Variants in PTK2 observed in about 807,000 individuals in gnomAD.
PTK2 encodes protein tyrosine kinase 2.
Under a neutral mutation model 150.1 loss-of-function variants are expected in PTK2, and 45 were observed. The observed-to-expected ratio is 0.30, with a 90% CI of 0.24 to 0.38. The LOEUF (loss-of-function observed/expected upper bound fraction) is 0.38, where lower values mean the gene tolerates loss of function less well. PTK2 is among the 10% of genes least tolerant of loss of function. PTK2 has a pLI of 1.00. For missense variants in PTK2, 919 were observed against 1,307.3 expected, an observed-to-expected ratio of 0.70 and a Z score of 4.58; for synonymous variants, 432 against 449.2, an observed-to-expected ratio of 0.96 and a Z score of 0.48.
chr8:140,699,332 G>A (rs1444245884), intron 26 of PTK2, among the ~76,000 whole-genome samples: 5 of 152,126 alleles, frequency 3.3e-5, no homozygotes. Context: ...TGGGTTCAAG[G>A]AGAGTGGGGA....
At chr8:140,975,000 T>G (rs1335677347) in intron 1 of PTK2, among the ~76,000 whole-genome samples, 1 of 152,230 alleles carries the variant, frequency 6.6e-6, no homozygotes, top group African/African-American at 2.4e-5. Context: ...CGCCTGTAGA[T>G]GAACTCAGAA....
intron 1 of PTK2, among the ~76,000 whole-genome samples, chr8:140,983,291 G>A (rs1328097304): frequency 6.7e-6 from 1 of 148,664 alleles, no homozygotes; most frequent in African/African-American, 2.5e-5. Context: ...GAAGGCTGAG[G>A]CAGGAGAATT....
At chr8:140,675,339 G>C (rs2100013018) in intron 28 of PTK2, 121 bp downstream of exon 31, 3 of 1,035,946 alleles carry the variant, frequency 2.9e-6, no homozygotes, top group African/African-American at 3.1e-5. Flanking sequence ...CGTACTTGCT[G>C]TGGTCTGTAG....
chr8:140,896,613 A>AT (rs1568389978), intron 2 of PTK2, among the ~76,000 whole-genome samples: 1 of 152,224 alleles, frequency 6.6e-6, no homozygotes, highest in East Asian at 1.9e-4. Flanking sequence ...ATAGGATGAG[A>AT]TTTCATATAT....
chr8:140,858,059 T>C (rs1363895782), intron 5 of PTK2, among the ~76,000 whole-genome samples: 2 of 152,122 alleles, frequency 1.3e-5, no homozygotes, highest in African/African-American at 4.8e-5. Context: ...TAGCAAATAA[T>C]AAGGGCCATA....
At chr8:140,909,954 C>T (rs1467148365) in intron 2 of PTK2, among the ~76,000 whole-genome samples, 1 of 152,050 alleles carries the variant, frequency 6.6e-6, no homozygotes, top group Non-Finnish European at 1.5e-5. Context: ...CCAAATTAGA[C>T]ACAAATCTTC....
In PTK2 at chr8:140,807,907, A is replaced by T. The variant is rs375936055; in HGVS notation, c.868-4257T>A. 3.9e-5 allele frequency among the ~76,000 whole-genome samples: 6 copies of T among 152,298 alleles called. No individual in the cohort carries two copies. The East Asian group carries it at 7.7e-4, about 20-fold the overall frequency. On this transcript the variant is annotated intron_variant, in intron 10 of 31. Transcript: ENST00000522684. ...GGACTCAGAATTACCCAGTGGGCTT[A>T]TCTACAGGAGGATCACTGTCATCAT...
Position 140,693,564 on chromosome 8 carries a change from TAAAAAAAAAAAAAAAAAAAAA to T in PTK2, c.2500-6891_2500-6871del, listed in dbSNP as rs377205785. Among the ~76,000 whole-genome samples the T allele has an allele frequency of 3.7e-4, 27 of 72,458 alleles. No homozygotes were observed. In the South Asian group the frequency reaches 6.3e-3, roughly 17 times the overall value. The allele number at this position is 72,458 out of a possible 152,430, so 47.5% of individuals were successfully genotyped here. ...CCACAGAGTGAGACTTTGTCTCAAT[TAAAAAAAAAAAAAAAAAAAAA>T]AAAAAAAAAAAAAAAAAGGAGCACT... On this transcript the variant is annotated intron_variant, in intron 26 of 31. Coordinates refer to ENST00000522684, the Ensembl canonical transcript of PTK2.
chr8:140,875,507 C>A (rs2100144965), intron 4 of PTK2, among the ~76,000 whole-genome samples: 1 of 152,088 alleles, frequency 6.6e-6, no homozygotes, highest in South Asian at 2.1e-4. Context: ...GAGATAAGGA[C>A]TGTGAGGTCA....
intron 5 of PTK2, among the ~76,000 whole-genome samples, chr8:140,858,382 C>T (rs967118530): frequency 3.3e-5 from 5 of 150,680 alleles, no homozygotes; most frequent in African/African-American, 1.2e-4. Flanking sequence ...AACGACATGA[C>T]CCCCTAGAGG....
intron 7 of PTK2, among the ~76,000 whole-genome samples, chr8:140,838,610 T>C (rs186191626): frequency 8.7e-4 from 133 of 152,308 alleles, no homozygotes; most frequent in Non-Finnish European, 1.3e-3. Flanking sequence ...AGTGGGAAGA[T>C]TGCTTGACCA....
chr8:140,976,775 A>C (rs563313767), intron 1 of PTK2, among the ~76,000 whole-genome samples: 3 of 152,232 alleles, frequency 2.0e-5, no homozygotes, highest in Admixed American at 1.3e-4. Flanking sequence ...TCTTTTTTTC[A>C]TAACTAAGGT....
chr8:140,763,598 C>T (rs551013626), intron 15 of PTK2, among the ~76,000 whole-genome samples: 47 of 152,068 alleles, frequency 3.1e-4, no homozygotes, highest in Non-Finnish European at 5.9e-4. Flanking sequence ...CCTGGGGCTT[C>T]AAGATTTTCC....
At chr8:140,672,476 T>C (rs981427563) in intron 29 of PTK2, among the ~76,000 whole-genome samples, 3 of 152,154 alleles carry the variant, frequency 2.0e-5, no homozygotes, top group Non-Finnish European at 2.9e-5. Context: ...ACTGAGGAAG[T>C]TCCTGATTCC....
chr8:140,670,471 A>C (rs1354715254), intron 29 of PTK2, among the ~76,000 whole-genome samples: 6 of 82,428 alleles, frequency 7.3e-5, no homozygotes, highest in Admixed American at 1.3e-4. Context: ...AAAAAAAAAA[A>C]AAAAAAAAAA....
chr8:140,664,196 A>T (rs959497244), intron 31 of PTK2, among the ~76,000 whole-genome samples: 1 of 152,138 alleles, frequency 6.6e-6, no homozygotes, highest in Non-Finnish European at 1.5e-5. Context: ...GTTGGCCAGG[A>T]TGGTCTCGAT....
At chr8:140,818,483 C>A in intron 9 of PTK2, 129 bp from the exon 10 acceptor site, 1 of 749,440 alleles carries the variant, frequency 1.3e-6, no homozygotes, top group Non-Finnish European at 2.3e-6. Flanking sequence ...TCTATCTAAC[C>A]AAATAAGATA....
chr8:140,928,110 G>T (rs1489105515), intron 1 of PTK2, among the ~76,000 whole-genome samples: 2 of 151,010 alleles, frequency 1.3e-5, no homozygotes, highest in African/African-American at 4.9e-5. Context: ...CTACATAGTA[G>T]TTGGCCTTTT....
At chr8:140,846,468 C>G (rs769961138) in intron 6 of PTK2, 131 bp downstream of exon 6, 1 of 1,151,918 alleles carries the variant, frequency 8.7e-7, no homozygotes, top group Admixed American at 2.0e-5. Context: ...ACCAATAGTT[C>G]ATAATTTACT....
Sources: gnomAD v4.1 joint callset for allele counts (sites outside exome capture counted in the v4.1 genomes callset) on GRCh38, gnomAD v4.1.1 for gene constraint, MANE v1.5 for transcripts, NCBI Gene and HGNC (gene_info 2026-07-23, HGNC 2026-07-21) for gene names.